Variants in CSMD1 observed in about 807,000 individuals in gnomAD.
The protein encoded by CSMD1 is CUB and sushi domain-containing protein 1.
Under a neutral mutation model 417.5 loss-of-function variants are expected in CSMD1, and 213 were observed. The observed-to-expected ratio is 0.51, with a 90% CI of 0.46 to 0.57. The LOEUF (loss-of-function observed/expected upper bound fraction) is 0.57. Ranked by LOEUF, CSMD1 falls within the 20% of genes least tolerant of loss-of-function variation. The pLI is 0.00. For synonymous variants in CSMD1, 2,862 were observed against 1,736.8 expected, an observed-to-expected ratio of 1.65 and a Z score of -16.11; for missense variants, 6,923 against 4,529.7, an observed-to-expected ratio of 1.53 and a Z score of -15.17.
chr8:4,873,647 C>G (rs1049482947), intron 1 of CSMD1, among the ~76,000 whole-genome samples: 1 of 152,106 alleles, frequency 6.6e-6, no homozygotes, highest in African/African-American at 2.4e-5. Flanking sequence ...CTCCATTCAA[C>G]TTTCCATCTA....
intron 5 of CSMD1, among the ~76,000 whole-genome samples, chr8:3,897,253 C>T (rs768349843): frequency 2.3e-4 from 35 of 152,138 alleles, no homozygotes; most frequent in Non-Finnish European, 4.6e-4. Flanking sequence ...ACAGAGACAA[C>T]GGTCATAGTG....
At chr8:3,909,562 G>A (rs2627414) in intron 5 of CSMD1, among the ~76,000 whole-genome samples, 98,032 of 151,888 alleles carry the variant, frequency 0.65, 32,658 homozygotes, top group South Asian at 0.8. Flanking sequence ...CTAGGGAGGT[G>A]GGTGCCTTTT....
intron 1 of CSMD1, among the ~76,000 whole-genome samples, chr8:4,850,948 T>TG (rs1801441520): frequency 1.7e-5 from 2 of 118,642 alleles, no homozygotes; most frequent in Admixed American, 1.1e-4. Context: ...CTTGTTAATT[T>TG]CCTTTTTTTA....
intron 11 of CSMD1, among the ~76,000 whole-genome samples, chr8:3,485,584 T>C (rs1408274996): frequency 1.5e-5 from 2 of 131,476 alleles, no homozygotes; most frequent in Non-Finnish European, 3.3e-5. Context: ...GAAACACAAA[T>C]GAATACAAAT....
chr8:4,267,499 C>A (rs1228678912), intron 3 of CSMD1, among the ~76,000 whole-genome samples: 2 of 151,472 alleles, frequency 1.3e-5, no homozygotes, highest in African/African-American at 4.8e-5. Context: ...GTCTTCATAT[C>A]TAAACGCAGT....
At chr8:4,153,143 T>C (rs1796658249) in intron 3 of CSMD1, among the ~76,000 whole-genome samples, 1 of 152,202 alleles carries the variant, frequency 6.6e-6, no homozygotes, top group Non-Finnish European at 1.5e-5. Context: ...GAATACTGAA[T>C]CTTGACTGTG....
At chr8:4,621,147 T>C (rs1208314890) in intron 2 of CSMD1, among the ~76,000 whole-genome samples, 1 of 152,104 alleles carries the variant, frequency 6.6e-6, no homozygotes, top group Non-Finnish European at 1.5e-5. Context: ...TTGGGATTTC[T>C]TTTTTCGAAT....
At chr8:3,986,116 G>A (rs746053941) in intron 5 of CSMD1, among the ~76,000 whole-genome samples, 13 of 152,016 alleles carry the variant, frequency 8.6e-5, no homozygotes, top group Non-Finnish European at 1.6e-4. Flanking sequence ...TACAAGTTCA[G>A]ATGAACAGGA....
chr8:3,543,977 G>A (rs757190304), intron 10 of CSMD1, among the ~76,000 whole-genome samples: 2 of 152,160 alleles, frequency 1.3e-5, no homozygotes, highest in Non-Finnish European at 2.9e-5. Context: ...AGCAGAAAGA[G>A]TCAGATAGGA....
At position 4,519,478 on chromosome 8, in the gene CSMD1, G is replaced by A. The variant is rs578133291; in HGVS notation, c.303-99413C>T. ...GGGGAAGCTGGGCATGGTGGCTCAC[G>A]CCTGTAACCCCAGCACTTTGGGAGG... is the stretch of plus-strand genomic sequence containing the variant. On this transcript the variant is annotated intron_variant, in intron 2 of 69. Coordinates refer to ENST00000635120, the MANE Select transcript of CSMD1 (RefSeq NM_033225.6). Among the ~76,000 whole-genome samples, 8 of 151,890 alleles carry A rather than the reference G, an allele frequency of 5.3e-5. No homozygotes were observed. In the South Asian group the frequency reaches 1.5e-3, roughly 28 times the overall value.
At chr8:4,956,247 A>ATT (rs11346044) in intron 1 of CSMD1, among the ~76,000 whole-genome samples, 9 of 150,284 alleles carry the variant, frequency 6.0e-5, no homozygotes, top group South Asian at 2.1e-4. Context: ...CTTACTCGCT[A>ATT]TTTTTTTTTA....
intron 6 of CSMD1, among the ~76,000 whole-genome samples, chr8:3,721,384 C>T (rs746451723): frequency 2.2e-4 from 34 of 152,022 alleles, no homozygotes; most frequent in African/African-American, 5.6e-4. Context: ...CGTCTCTAGC[C>T]CAGGTTTTTA....
intron 25 of CSMD1, among the ~76,000 whole-genome samples, chr8:3,287,598 CTGTT>C (rs1803255801): frequency 6.6e-6 from 1 of 152,082 alleles, no homozygotes; most frequent in Admixed American, 6.6e-5. Flanking sequence ...ATTTGGCTCT[CTGTT>C]TGTCTGTTAT....
chr8:3,726,939 T>C (rs1215226610), intron 6 of CSMD1, among the ~76,000 whole-genome samples: 1 of 152,190 alleles, frequency 6.6e-6, no homozygotes, highest in Admixed American at 6.5e-5. Context: ...TAACAATTAA[T>C]GACTAAACTC....
At chr8:3,207,307 C>A (rs1057415699) in intron 30 of CSMD1, among the ~76,000 whole-genome samples, 1 of 150,126 alleles carries the variant, frequency 6.7e-6, no homozygotes, top group Non-Finnish European at 1.5e-5. Flanking sequence ...GCCAACACAC[C>A]TGGCTGATTT....
chr8:4,738,438 C>G (rs1265899443), intron 1 of CSMD1, among the ~76,000 whole-genome samples: 1 of 152,050 alleles, frequency 6.6e-6, no homozygotes, highest in Non-Finnish European at 1.5e-5. Flanking sequence ...GGAAAAGCCC[C>G]TTATAAAACC....
intron 3 of CSMD1, among the ~76,000 whole-genome samples, chr8:4,093,711 G>C (rs1001240273): frequency 1.3e-5 from 2 of 152,002 alleles, no homozygotes; most frequent in South Asian, 4.2e-4. Context: ...CTGTAATTTC[G>C]GCACTTTGGG....
chr8:3,734,664 C>G (rs1331474810), intron 6 of CSMD1, among the ~76,000 whole-genome samples: 1 of 152,128 alleles, frequency 6.6e-6, no homozygotes, highest in Non-Finnish European at 1.5e-5. Flanking sequence ...TGAGCCAAAA[C>G]TACGCCACTG....
intron 1 of CSMD1, among the ~76,000 whole-genome samples, chr8:4,905,937 GTTTCCCAAACCCCCATTCATTC>G (rs1197497677): frequency 4.0e-5 from 6 of 151,728 alleles, no homozygotes; most frequent in Admixed American, 3.9e-4. Flanking sequence ...ACCAGTCCCA[GTTTCCCAAACCCCCATTCATTC>G]TTCCTGCCTT....
Sources: gnomAD v4.1 joint callset for allele counts (sites outside exome capture counted in the v4.1 genomes callset) on GRCh38, gnomAD v4.1.1 for gene constraint, MANE v1.5 for transcripts, NCBI Gene and HGNC (gene_info 2026-07-23, HGNC 2026-07-21) for gene names.